CLGN: variants seen among roughly 807,000 people sequenced by gnomAD.
CLGN encodes calmegin.
Under a neutral mutation model 79.1 loss-of-function variants are expected in CLGN, and 62 were observed. The ratio of observed to expected loss-of-function variants is 0.78; its 90% CI spans 0.64 to 0.97. The LOEUF is 0.97. CLGN is among the 50% of genes least tolerant of loss of function. The pLI is 0.00. For missense variants in CLGN, 647 were observed against 715.5 expected (o/e 0.90, Z 1.09); for synonymous variants, 225 against 224.7 (o/e 1.00, Z -0.01).
At chr4:140,406,725 T>C (rs1271465169) in intron 4 of CLGN, among the ~76,000 whole-genome samples, 1 of 152,184 alleles carries the variant, frequency 6.6e-6, no homozygotes, top group Non-Finnish European at 1.5e-5. Flanking sequence ...CAATTTTCCA[T>C]GTTAAGATCA....
chr4:140,416,047 T>A, intron 1 of CLGN, among the ~76,000 whole-genome samples: 1 of 64,224 alleles, frequency 1.6e-5, no homozygotes, highest in African/African-American at 7.7e-5. Flanking sequence ...ATTAAGAATC[T>A]CACTCAAAAC....
chr4:140,390,052 C>A (rs1046406991), intron 14 of CLGN, among the ~76,000 whole-genome samples: 46 of 151,602 alleles, frequency 3.0e-4, no homozygotes, highest in Admixed American at 2.8e-3. Flanking sequence ...TCTAATTATA[C>A]TCGGGATTTC....
chr4:140,393,234 A>T, intron 11 of CLGN, among the ~76,000 whole-genome samples: 1 of 152,112 alleles, frequency 6.6e-6, no homozygotes, highest in Non-Finnish European at 1.5e-5. Flanking sequence ...TCAAAACAAG[A>T]ATCCCTCTTC....
At chr4:140,400,031 C>T (rs1728968481) in intron 7 of CLGN, among the ~76,000 whole-genome samples, 1 of 152,170 alleles carries the variant, frequency 6.6e-6, no homozygotes. Flanking sequence ...ACCACTGTCA[C>T]AACGTCTAAA....
intron 1 of CLGN, among the ~76,000 whole-genome samples, chr4:140,414,044 T>C (rs1217320975): frequency 1.3e-5 from 2 of 152,246 alleles, no homozygotes; most frequent in African/African-American, 2.4e-5. Context: ...AGTGGGTCCC[T>C]GACCCCTGAG....
In CLGN at chr4:140,418,931, T is replaced by C. The variant is rs374552025; in HGVS notation, c.-9-5844A>G. On this transcript the variant is annotated intron_variant, in intron 1 of 14. Transcript: ENST00000325617. The stretch of plus-strand genomic sequence containing the variant: ...ATGTTTATTGCGGCATTATTCACAA[T>C]AGCAAAGACTTGGAACCAACCCAAA... Among the ~76,000 whole-genome samples, 83 of 152,212 alleles carry C rather than the reference T, an allele frequency of 5.5e-4. 1 individual carries two copies. In the South Asian group the frequency reaches 0.012, roughly 22 times the overall value.
At chr4:140,415,451 A>G (rs1269176665) in intron 1 of CLGN, among the ~76,000 whole-genome samples, 1 of 152,018 alleles carries the variant, frequency 6.6e-6, no homozygotes, top group Non-Finnish European at 1.5e-5. Flanking sequence ...GTATTCAGGA[A>G]ACCCATCTCA....
rs1728754484 is a variant in CLGN at position 140,390,609 on chromosome 4, C to A, written c.1752+19G>T. ...TATGGATAACAACTATACATAGAAA[C>A]CAGCTTATTTTCTGTTACCTCATCC... is the stretch of plus-strand genomic sequence containing the variant. On this transcript the variant is annotated intron_variant, in intron 14 of 14. Coordinates refer to ENST00000325617, the MANE Select transcript of CLGN (RefSeq NM_004362.3). 2 of 1,532,636 alleles carry A rather than the reference C, an allele frequency of 1.3e-6. No individual in the cohort carries two copies. Among genetic ancestry groups the A allele is most frequent in the African/African-American group, 1.4e-5 (1 of 71,936 alleles). 94.9% of individuals were successfully genotyped at this position (1,532,636 alleles called of 1,614,324 possible). A position where few individuals can be genotyped will look rare whatever the true frequency, so the allele number is the denominator to read the frequency against.
At chr4:140,396,746 TG>T (rs1728884414) in intron 8 of CLGN, among the ~76,000 whole-genome samples, 1 of 150,726 alleles carries the variant, frequency 6.6e-6, no homozygotes, top group African/African-American at 2.4e-5. Flanking sequence ...TTAGTAGAGA[TG>T]GGGTTTCACT....
intron 4 of CLGN, 103 bp downstream of exon 4, chr4:140,409,734 G>A: frequency 1.7e-6 from 1 of 605,176 alleles, no homozygotes; most frequent in Non-Finnish European, 2.9e-6. Flanking sequence ...TGTGAGGCAG[G>A]GTGGGGGACT....
intron 5 of CLGN, among the ~76,000 whole-genome samples, chr4:140,404,831 T>A (rs1258300424): frequency 6.6e-6 from 1 of 151,908 alleles, no homozygotes; most frequent in Non-Finnish European, 1.5e-5. Context: ...ATTTTTAAAA[T>A]TTTTTTGTAG....
chr4:140,426,414 A>T (rs1416625011), intron 1 of CLGN, among the ~76,000 whole-genome samples: 1 of 152,266 alleles, frequency 6.6e-6, no homozygotes, highest in East Asian at 1.9e-4. Flanking sequence ...AACCTTATCA[A>T]CTAGCTAAGA....
At chr4:140,403,999 T>C (rs567532799) in intron 5 of CLGN, among the ~76,000 whole-genome samples, 1 of 152,330 alleles carries the variant, frequency 6.6e-6, no homozygotes, top group East Asian at 1.9e-4. Flanking sequence ...GGAAACACAG[T>C]AGTAATGCTG....
intron 1 of CLGN, among the ~76,000 whole-genome samples, chr4:140,426,165 C>A (rs563139245): frequency 3.3e-5 from 5 of 152,218 alleles, no homozygotes; most frequent in African/African-American, 1.2e-4. Context: ...ATGGCACAAT[C>A]GCACCAAGTT....
chr4:140,416,686 T>G (rs1278842875), intron 1 of CLGN, among the ~76,000 whole-genome samples: 2 of 151,552 alleles, frequency 1.3e-5, no homozygotes, highest in Non-Finnish European at 2.9e-5. Context: ...AATAACAGGA[T>G]CTGAAATTGT....
Position 140,410,645 on chromosome 4 carries a change from A to C in CLGN, c.145-19T>G, listed in dbSNP as rs753408273. ...ATTTAATCTAGAAAAGAGATTTTCC[A>C]AGTCTAAAGTTATTCATTTTCACAA... is the stretch of plus-strand genomic sequence containing the variant. On this transcript the variant is annotated intron_variant, in intron 2 of 14. Coordinates refer to ENST00000325617, the MANE Select transcript of CLGN (RefSeq NM_004362.3). 2.2e-6 allele frequency: 3 copies of C among 1,390,764 alleles called. No individual in the cohort carries two copies. Among genetic ancestry groups the C allele is most frequent in the Admixed American group, 1.8e-5 (1 of 54,300 alleles). The allele number at this position is 1,390,764 out of a possible 1,614,324, so 86.2% of individuals were successfully genotyped here.
At chr4:140,422,984 A>C (rs1212310639) in intron 1 of CLGN, among the ~76,000 whole-genome samples, 1 of 152,184 alleles carries the variant, frequency 6.6e-6, no homozygotes, top group African/African-American at 2.4e-5. Context: ...GTACATACAT[A>C]TAAGATCATG....
intron 1 of CLGN, among the ~76,000 whole-genome samples, chr4:140,413,492 G>C (rs998313420): frequency 1.3e-5 from 2 of 152,218 alleles, no homozygotes; most frequent in African/African-American, 4.8e-5. Context: ...CAGGTCAGTG[G>C]GTGCGTGCAC....
chr4:140,404,843 G>A (rs1048982500), intron 5 of CLGN, among the ~76,000 whole-genome samples: 3 of 151,732 alleles, frequency 2.0e-5, no homozygotes, highest in African/African-American at 2.4e-5. Flanking sequence ...TTTTTGTAGA[G>A]TCGGGGTTTT....
Sources: gnomAD v4.1 joint callset for allele counts (sites outside exome capture counted in the v4.1 genomes callset) on GRCh38, gnomAD v4.1.1 for gene constraint, MANE v1.5 for transcripts, NCBI Gene and HGNC (gene_info 2026-07-23, HGNC 2026-07-21) for gene names.